The following SYT13 variants were observed in gnomAD, a reference collection of about 807,000 sequenced individuals.
SYT13 encodes synaptotagmin-13.
A neutral mutation model predicts 38.6 loss-of-function variants in SYT13; 21 were observed. The observed-to-expected ratio is 0.54, with a 90% CI of 0.39 to 0.78. SYT13 has a LOEUF of 0.78. Ranked by LOEUF, SYT13 falls within the 30% of genes least tolerant of loss-of-function variation. SYT13 has a pLI of 0.00. For synonymous variants in SYT13, 241 were observed against 237.6 expected, an observed-to-expected ratio of 1.01 and a Z score of -0.13; for missense variants, 495 against 548.7, an observed-to-expected ratio of 0.90 and a Z score of 0.98.
rs1854740020 is a variant in SYT13 at position 45,255,886 on chromosome 11, A to C, written c.189T>G (p.Asn63Lys). Residue 63 changes from asparagine (N) to lysine (K), a missense_variant, in exon 2 of 6, where the codon AAT becomes AAG. Coordinates refer to ENST00000020926, the MANE Select transcript of SYT13 (RefSeq NM_020826.3). ...PSLLGSAQQF[N>K]VKKSTEPVQP... The stretch of plus-strand genomic sequence containing the variant: ...GAACAGGTTCCGTGGACTTTTTAAC[A>C]TTGAACTGCAAACACAAATTACTCT... The C allele has an allele frequency of 1.2e-6, 2 of 1,613,984 alleles. No homozygotes were observed. Among genetic ancestry groups the C allele is most frequent in the African/African-American group, 1.3e-5 (1 of 74,906 alleles).
Position 45,252,906 on chromosome 11 carries a change from AG to A in SYT13, c.545-185del, listed in dbSNP as rs1221185341. On this transcript the variant is annotated intron_variant, in intron 3 of 5. Coordinates refer to ENST00000020926, the MANE Select transcript of SYT13 (RefSeq NM_020826.3). This position sits in a 1 kb window ranked among gnomAD's most constrained non-coding sequence, Gnocchi z 4.3. ...GAGACATTTAGAAATAGATCATTTG[AG>A]GGGGCTGGCCTCAGCACATGCCGAT... Among the ~76,000 whole-genome samples, 2 of 152,136 alleles carry A rather than the reference AG, an allele frequency of 1.3e-5. No individual in the cohort carries two copies. The highest frequency in any genetic ancestry group is 1.5e-5 in the Non-Finnish European group (1 of 68,024).
intron 1 of SYT13, among the ~76,000 whole-genome samples, chr11:45,282,965 T>C (rs1173017115): frequency 6.6e-6 from 1 of 151,936 alleles, no homozygotes; most frequent in African/African-American, 2.4e-5. Context: ...CTAGGCAACA[T>C]GGTGAGCCTT....
rs1223936977 is a variant in SYT13 at position 45,243,326 on chromosome 11, A to G, written c.*726T>C. Reference sequence around the variant, plus strand: ...TTAAAAAGCTGAGGCCCCAGATTTCACCCTGATGGTTGAGGTGTCCAGCAT... The same window carrying G: ...TTAAAAAGCTGAGGCCCCAGATTTCGCCCTGATGGTTGAGGTGTCCAGCAT... On this transcript the variant is annotated 3_prime_UTR_variant, in exon 6 of 6. Coordinates refer to ENST00000020926, the MANE Select transcript of SYT13 (RefSeq NM_020826.3). The G allele has an allele frequency of 2.0e-5, 3 of 152,248 alleles. No individual in the cohort carries two copies. Among genetic ancestry groups the G allele is most frequent in the African/African-American group, 7.2e-5 (3 of 41,476 alleles). The allele number at this position is 152,248 out of a possible 1,614,324, so 9.4% of individuals were successfully genotyped here. A position where few individuals can be genotyped will look rare whatever the true frequency, so the allele number is the denominator to read the frequency against.
intron 1 of SYT13, among the ~76,000 whole-genome samples, chr11:45,281,007 C>A (rs1027276444): frequency 5.9e-5 from 9 of 152,072 alleles, no homozygotes; most frequent in African/African-American, 2.2e-4. Flanking sequence ...CCAGCCTGGC[C>A]AACATGGTGA....
At position 45,255,712 on chromosome 11, in the gene SYT13, G is replaced by A. The variant is rs764899054; in HGVS notation, c.363C>T (p.Arg121=). The A allele has an allele frequency of 6.2e-7, 1 of 1,614,160 alleles. No homozygotes were observed. The highest frequency in any genetic ancestry group is 1.1e-5 in the South Asian group (1 of 91,082). The change falls in exon 2 of 6, where the codon CGC becomes CGT. Residue 121 remains arginine (R), a synonymous_variant. Transcript: ENST00000020926. ...PASPQPPNDS[R]LKRQVTEELF... is the part of the protein sequence containing the mutation. ...GCTCCTCTGTGACCTGCCTCTTGAG[G>A]CGACTGTCATTCGGGGGTTGGGGGC...
intron 1 of SYT13, among the ~76,000 whole-genome samples, chr11:45,262,598 C>T (rs751045502): frequency 3.3e-5 from 5 of 151,852 alleles, no homozygotes; most frequent in African/African-American, 4.8e-5. Context: ...TGGTAGTGCA[C>T]GCCTGTAGTC....
At chr11:45,282,771 T>C (rs1316520799) in intron 1 of SYT13, among the ~76,000 whole-genome samples, 1 of 152,192 alleles carries the variant, frequency 6.6e-6, no homozygotes, top group African/African-American at 2.4e-5. Context: ...AAAATAATGA[T>C]GTCATTTTTT....
intron 4 of SYT13, among the ~76,000 whole-genome samples, chr11:45,249,696 C>A (rs1310955942): frequency 6.6e-6 from 1 of 151,986 alleles, no homozygotes; most frequent in African/African-American, 2.4e-5. Context: ...GGGAATTGAA[C>A]AATGAGATCA....
chr11:45,269,188 G>A (rs1296903750), intron 1 of SYT13, among the ~76,000 whole-genome samples: 1 of 152,208 alleles, frequency 6.6e-6, no homozygotes, highest in Non-Finnish European at 1.5e-5. Context: ...GATGGCAGAA[G>A]GAAAGTTTGC....
chr11:45,282,256 C>A (rs769354937), intron 1 of SYT13, among the ~76,000 whole-genome samples: 23 of 152,072 alleles, frequency 1.5e-4, no homozygotes, highest in Non-Finnish European at 3.2e-4. Flanking sequence ...CAGGAGTGGG[C>A]GGCGTAGTAA....
intron 5 of SYT13, among the ~76,000 whole-genome samples, chr11:45,245,684 T>C (rs903707499): frequency 1.3e-5 from 2 of 152,238 alleles, no homozygotes; most frequent in African/African-American, 4.8e-5. Flanking sequence ...GAGCTTGTTT[T>C]GGTCTCCGAG....
chr11:45,266,517 CACACACACACACACACAT>C (rs1370897767), intron 1 of SYT13, among the ~76,000 whole-genome samples: 1 of 151,690 alleles, frequency 6.6e-6, no homozygotes, highest in East Asian at 1.9e-4. Flanking sequence ...CACACACACA[CACACACACACACACACAT>C]ACACACATCC....
At chr11:45,262,699 C>G (rs1046528333) in intron 1 of SYT13, among the ~76,000 whole-genome samples, 1 of 146,806 alleles carries the variant, frequency 6.8e-6, no homozygotes, top group Non-Finnish European at 1.5e-5. Flanking sequence ...GCCCTCCAGC[C>G]TGGGCAAAGA....
At chr11:45,258,591 A>G (rs1237672912) in intron 1 of SYT13, 4 of 152,138 alleles carry the variant, frequency 2.6e-5, no homozygotes. Context: ...ATATTTGGCC[A>G]CTCTGGACCA....
Position 45,242,792 on chromosome 11 carries a change from G to A in SYT13, c.*1260C>T, listed in dbSNP as rs1854567574. The A allele has an allele frequency of 6.6e-6, 1 of 152,148 alleles. No homozygotes were observed. The highest frequency in any genetic ancestry group is 2.4e-5 in the African/African-American group (1 of 41,432). The allele number at this position is 152,148 out of a possible 1,614,324, so 9.4% of individuals were successfully genotyped here. ...AGAACCCAGGAATCCTGGTTCAGGT[G>A]TAAGTACCGTATCCACTCAGCAAGG... On this transcript the variant is annotated 3_prime_UTR_variant, in exon 6 of 6. Transcript: ENST00000020926.
intron 2 of SYT13, among the ~76,000 whole-genome samples, chr11:45,254,835 G>T (rs1003981057): frequency 6.6e-6 from 1 of 152,082 alleles, no homozygotes; most frequent in Non-Finnish European, 1.5e-5. Flanking sequence ...ATGTTTCGAC[G>T]GGGCATGGTG....
At position 45,252,374 on chromosome 11, in the gene SYT13, A is replaced by G; in HGVS notation, c.846+47T>C. The G allele has an allele frequency of 6.6e-7, 1 of 1,514,068 alleles. No individual in the cohort carries two copies. Among genetic ancestry groups the G allele is most frequent in the Non-Finnish European group, 8.8e-7 (1 of 1,132,460 alleles). The allele number at this position is 1,514,068 out of a possible 1,614,324, so 93.8% of individuals were successfully genotyped here. A position where few individuals can be genotyped will look rare whatever the true frequency, so the allele number is the denominator to read the frequency against. ...GGAGGACACCAGGTTCTGCCATCCC[A>G]TGCTGCACGGGCAGGTTTTACCTTT... On this transcript the variant is annotated intron_variant, in intron 4 of 5. Coordinates refer to ENST00000020926, the MANE Select transcript of SYT13 (RefSeq NM_020826.3). The surrounding 1 kb of genome is among the most constrained non-coding windows in gnomAD (Gnocchi z 4.3).
At chr11:45,254,556 G>T (rs1474143618) in intron 2 of SYT13, 152 bp from the exon 3 acceptor site, 6 of 1,104,870 alleles carry the variant, frequency 5.4e-6, no homozygotes, top group Non-Finnish European at 7.4e-6. Flanking sequence ...AAGACAACAG[G>T]TGGGGTCAAT....
chr11:45,265,915 GTGAC>G (rs1489638723), intron 1 of SYT13, among the ~76,000 whole-genome samples: 1 of 152,194 alleles, frequency 6.6e-6, no homozygotes, highest in Non-Finnish European at 1.5e-5. Flanking sequence ...CATCAGAACA[GTGAC>G]TGCTTTTGGG....
Sources: gnomAD v4.1 joint callset for allele counts (sites outside exome capture counted in the v4.1 genomes callset) on GRCh38, gnomAD v4.1.1 for gene constraint, Gnocchi (gnomAD v3.1) non-coding constraint, MANE v1.5 for transcripts, NCBI Gene and HGNC (gene_info 2026-07-23, HGNC 2026-07-21) for gene names.